Variants in RBM20 observed in about 807,000 individuals in gnomAD.
The protein encoded by RBM20 is RNA-binding protein 20.
RBM20 carries 51 observed loss-of-function variants against 110.1 expected under a neutral mutation model. The ratio of observed to expected loss-of-function variants is 0.46; its 90% CI spans 0.37 to 0.59. The LOEUF is 0.59. Ranked by LOEUF, RBM20 falls within the 20% of genes least tolerant of loss-of-function variation. The pLI, the probability that RBM20 is intolerant of heterozygous loss-of-function variation, is 0.00. For missense variants in RBM20, 1,512 were observed against 1,574.9 expected (o/e 0.96, Z 0.68); for synonymous variants, 589 against 618.2 (o/e 0.95, Z 0.70).
At chr10:110,682,099 C>T (rs550830196) in intron 1 of RBM20, among the ~76,000 whole-genome samples, 1 of 152,030 alleles carries the variant, frequency 6.6e-6, no homozygotes, top group Non-Finnish European at 1.5e-5. Context: ...ACCATGCTGG[C>T]AAGGCTGATC....
At chr10:110,667,293 A>G (rs1313410373) in intron 1 of RBM20, among the ~76,000 whole-genome samples, 2 of 152,186 alleles carry the variant, frequency 1.3e-5, no homozygotes, top group South Asian at 2.1e-4. Context: ...GGGTACCCCC[A>G]CTGAACCCCA....
At chr10:110,783,332 C>G in intron 2 of RBM20, 34 bp from the exon 3 acceptor site, 1 of 1,521,140 alleles carries the variant, frequency 6.6e-7, no homozygotes. Context: ...GGACTCAGTT[C>G]TACTTTGGTC....
chr10:110,644,562 C>T lies in RBM20; in HGVS notation c.108C>T (p.Ser36=), dbSNP rs1861839507. 6.5e-7 allele frequency: 1 copy of T among 1,526,832 alleles called. No homozygotes were observed. Among genetic ancestry groups the T allele is most frequent in the South Asian group, 1.2e-5 (1 of 82,344 alleles). 94.6% of individuals were successfully genotyped at this position (1,526,832 alleles called of 1,614,324 possible). ...GTGCCCGGGCGTCCCCGGCACCCTC[C>T]GGCCCGCGAGGGATGCAGCAGCCGC... ...VPGARASPAP[S]GPRGMQQPPP... is the part of the protein sequence containing the mutation. Residue 36 remains serine (S), a synonymous_variant, in exon 1 of 14, where the codon TCC becomes TCT. Transcript: ENST00000369519. This position sits in a 1 kb window ranked among gnomAD's most constrained non-coding sequence, Gnocchi z 4.3.
In RBM20 at chr10:110,821,317, TG is replaced by T; in HGVS notation, c.2700del (p.Trp900CysfsTer10). The T allele has an allele frequency of 6.4e-7, 1 of 1,551,662 alleles. No individual in the cohort carries two copies. Among genetic ancestry groups the T allele is most frequent in the East Asian group, 2.4e-5 (1 of 40,930 alleles). On this transcript the variant is annotated frameshift_variant, in exon 11 of 14. Coordinates refer to ENST00000369519, the MANE Select transcript of RBM20 (RefSeq NM_001134363.3). LOFTEE classifies it high-confidence loss of function. ...ESESEAEGESWYPTNMEELVT... is the reference protein window; with the variant it reads ...ESESEAEGESXYPTNMEELVT... ...TGAAAGTGAGGCAGAGGGGGAGAGC[TG>T]GTATCCCACTAACATGGAGGAGCTG...
intron 1 of RBM20, among the ~76,000 whole-genome samples, chr10:110,744,048 G>A (rs1843750781): frequency 6.6e-6 from 1 of 152,196 alleles, no homozygotes; most frequent in Non-Finnish European, 1.5e-5. Context: ...ATGATTGGGA[G>A]TACAGTGACA....
chr10:110,684,975 A>G (rs927988833), intron 1 of RBM20, among the ~76,000 whole-genome samples: 2 of 152,244 alleles, frequency 1.3e-5, no homozygotes, highest in Non-Finnish European at 2.9e-5. Context: ...GGATCCTAAC[A>G]TCTTGAGAAG....
intron 9 of RBM20, among the ~76,000 whole-genome samples, chr10:110,815,496 T>C (rs1160803393): frequency 6.6e-6 from 1 of 152,054 alleles, no homozygotes; most frequent in Non-Finnish European, 1.5e-5. Context: ...TTTTAAAAAG[T>C]GTATGTGCTT....
rs1273274801 is a variant in RBM20 at position 110,644,592 on chromosome 10, GCCGCCCCAGCCACCGCCC to G, written c.147_164del (p.Pro50_Gln55del). The stretch of plus-strand genomic sequence containing the variant: ...CGCGAGGGATGCAGCAGCCGCCGCC[GCCGCCCCAGCCACCGCCC>G]CCGCCCCAAGCCGGCCTACCCCAGA... On this transcript the variant is annotated inframe_deletion, in exon 1 of 14. Transcript: ENST00000369519. This position sits in a 1 kb window ranked among gnomAD's most constrained non-coding sequence, Gnocchi z 4.3. 4 of 1,523,550 alleles carry G rather than the reference GCCGCCCCAGCCACCGCCC, an allele frequency of 2.6e-6. No homozygotes were observed. The highest frequency in any genetic ancestry group is 2.6e-5 in the East Asian group (1 of 38,816). The allele number at this position is 1,523,550 out of a possible 1,614,324, so 94.4% of individuals were successfully genotyped here. A position where few individuals can be genotyped will look rare whatever the true frequency, so the allele number is the denominator to read the frequency against.
chr10:110,690,018 T>C (rs1862564789), intron 1 of RBM20, among the ~76,000 whole-genome samples: 1 of 152,210 alleles, frequency 6.6e-6, no homozygotes, highest in Admixed American at 6.5e-5. Context: ...ATGATATCAG[T>C]TATCTTAAAA....
intron 1 of RBM20, among the ~76,000 whole-genome samples, chr10:110,685,127 TGGTCGCTGCC>T (rs1172943649): frequency 6.6e-6 from 1 of 152,248 alleles, no homozygotes; most frequent in Admixed American, 6.5e-5. Flanking sequence ...CTGGGGTTTG[TGGTCGCTGCC>T]GAGGATCAGC....
rs1048766607 is a variant in RBM20, at chr10:110,838,821, G to A, written c.*2843G>A. The A allele has an allele frequency of 1.3e-5, 2 of 152,184 alleles. No individual in the cohort carries two copies. The highest frequency in any genetic ancestry group is 2.4e-5 in the African/African-American group (1 of 41,434). 9.4% of individuals were successfully genotyped at this position (152,184 alleles called of 1,614,324 possible). ...GAACCTTCGGTTTAAAATCATCTAAGAGTCTATACTTGTGTGTACATACGT... is the reference window on the plus strand; with the variant it reads ...GAACCTTCGGTTTAAAATCATCTAAAAGTCTATACTTGTGTGTACATACGT... On this transcript the variant is annotated 3_prime_UTR_variant, in exon 14 of 14. Coordinates refer to ENST00000369519, the MANE Select transcript of RBM20 (RefSeq NM_001134363.3).
At chr10:110,807,597 T>C (rs901733955) in intron 7 of RBM20, among the ~76,000 whole-genome samples, 1 of 152,192 alleles carries the variant, frequency 6.6e-6, no homozygotes, top group Non-Finnish European at 1.5e-5. Flanking sequence ...CCTGCCCCCA[T>C]GCACCTGAGC....
chr10:110,696,352 A>G (rs1225989527), intron 1 of RBM20, among the ~76,000 whole-genome samples: 1 of 152,084 alleles, frequency 6.6e-6, no homozygotes, highest in African/African-American at 2.4e-5. Flanking sequence ...TCATGTTTCC[A>G]GATTCTGTGC....
In RBM20 at chr10:110,820,065, T is replaced by C. The variant is rs1202527039; in HGVS notation, c.2551-7T>C. On this transcript the variant is annotated splice_region_variant and splice_polypyrimidine_tract_variant and intron_variant, in intron 9 of 13. Coordinates refer to ENST00000369519, the MANE Select transcript of RBM20 (RefSeq NM_001134363.3). ...GATTTGGTTTGCTCTGTTCTTCCTT[T>C]GATAAGGCTGGAAAAGAGGAACAGG... 1 of 1,540,900 alleles carries C rather than the reference T, an allele frequency of 6.5e-7. No individual in the cohort carries two copies. Among genetic ancestry groups the C allele is most frequent in the Non-Finnish European group, 8.8e-7 (1 of 1,139,830 alleles).
chr10:110,831,297 G>A (rs1845049137), intron 13 of RBM20, 115 bp downstream of exon 13: 1 of 1,125,694 alleles, frequency 8.9e-7, no homozygotes. Flanking sequence ...CTACCTGCAA[G>A]GCCTACTCCA....
chr10:110,826,583 C>CTT (rs35918856), intron 12 of RBM20, among the ~76,000 whole-genome samples: 2 of 140,926 alleles, frequency 1.4e-5, no homozygotes, highest in African/African-American at 2.6e-5. Flanking sequence ...CATTCTTCTT[C>CTT]TTTTTTTTTT....
intron 9 of RBM20, among the ~76,000 whole-genome samples, chr10:110,813,257 G>A (rs1484894374): frequency 6.6e-6 from 1 of 152,156 alleles, no homozygotes; most frequent in Non-Finnish European, 1.5e-5. Context: ...AGGAGATCTG[G>A]CCCCAAATCC....
chr10:110,644,540 C>T lies in RBM20; in HGVS notation c.86C>T (p.Ala29Val). 1.3e-6 allele frequency: 2 copies of T among 1,527,304 alleles called. No homozygotes were observed. 94.6% of individuals were successfully genotyped at this position (1,527,304 alleles called of 1,614,324 possible). A position where few individuals can be genotyped will look rare whatever the true frequency, so the allele number is the denominator to read the frequency against. Residue 29 changes from alanine (A) to valine (V), a missense_variant, in exon 1 of 14, where the codon GCC (alanine) becomes GTC (valine). Physicochemically the swap from Ala to Val is moderately conservative, Grantham distance 64 (BLOSUM62 0). This residue lies in a region of RBM20 where 1,149 missense variants were observed against 1,169.4 expected (regional missense o/e 0.98). Coordinates refer to ENST00000369519, the MANE Select transcript of RBM20 (RefSeq NM_001134363.3). This position sits in a 1 kb window ranked among gnomAD's most constrained non-coding sequence, Gnocchi z 4.3. ...AGAGTTGCCTGCAGTGTGCCTGGTG[C>T]CCGGGCGTCCCCGGCACCCTCCGGC... The part of the protein sequence containing the change: ...PDRVACSVPG[A>V]RASPAPSGPR...
At chr10:110,756,112 G>A (rs1843917377) in intron 1 of RBM20, among the ~76,000 whole-genome samples, 1 of 152,200 alleles carries the variant, frequency 6.6e-6, no homozygotes, top group South Asian at 2.1e-4. Context: ...CCAGGTTTGT[G>A]AGTCCCATCT....
Sources: gnomAD v4.1 joint callset for allele counts (sites outside exome capture counted in the v4.1 genomes callset) on GRCh38, gnomAD v4.1.1 for gene constraint, gnomAD v4.1.1 regional missense constraint, Gnocchi (gnomAD v3.1) non-coding constraint, MANE v1.5 for transcripts, NCBI Gene and HGNC (gene_info 2026-07-23, HGNC 2026-07-21) for gene names.